The following N4BP2L2 variants were observed in gnomAD, a reference collection of about 807,000 sequenced individuals.
The protein encoded by N4BP2L2 is NEDD4 binding protein 2 like 2.
A neutral mutation model predicts 56.2 loss-of-function variants in N4BP2L2; 50 were observed. That is an observed-to-expected ratio of 0.89 (90% CI 0.71 to 1.13). The LOEUF (loss-of-function observed/expected upper bound fraction) is 1.13, where lower values mean the gene tolerates loss of function less well. N4BP2L2 is among the 50% of genes most tolerant of loss of function. N4BP2L2 has a pLI of 0.00. For synonymous variants in N4BP2L2, 203 were observed against 223.6 expected, an observed-to-expected ratio of 0.91 and a Z score of 0.82; for missense variants, 689 against 693.8, an observed-to-expected ratio of 0.99 and a Z score of 0.08.
At chr13:32,450,636 GTT>G (rs71071044) in intron 6 of N4BP2L2, among the ~76,000 whole-genome samples, 1 of 147,916 alleles carries the variant, frequency 6.8e-6, no homozygotes, top group Non-Finnish European at 1.5e-5. Context: ...TTTTGTTTTT[GTT>G]TTTTTTTTAT....
chr13:32,535,815 T>G, exon 2 of N4BP2L2: 1 of 1,614,170 alleles, frequency 6.2e-7, no homozygotes, highest in Non-Finnish European at 8.5e-7. Context: ...CTTAAAAGAA[T>G]AAGTAACTTC....
chr13:32,526,841 T>C (rs1373688425), intron 3 of N4BP2L2: 1 of 142,436 alleles, frequency 7.0e-6, no homozygotes, highest in Non-Finnish European at 1.5e-5. Context: ...TTTTTTTTTT[T>C]TTTTTGCTTT....
At position 32,477,994 on chromosome 13, in the gene N4BP2L2, A is replaced by G. The variant is rs760987666; in HGVS notation, c.366-33868T>C. 5.5e-5 allele frequency: 71 copies of G among 1,289,266 alleles called. No individual in the cohort carries two copies. The South Asian group carries it at 8.5e-4, about 15-fold the overall frequency. The allele number at this position is 1,289,266 out of a possible 1,614,324, so 79.9% of individuals were successfully genotyped here. On this transcript the variant is annotated intron_variant, in intron 6 of 9. Coordinates refer to the N4BP2L2 transcript ENST00000357505. ...TCCAGCTCCCAAGTCATTGTCTGACATACTGGTGTTCATCATCTTGTACCA... is the reference window on the plus strand; with the variant it reads ...TCCAGCTCCCAAGTCATTGTCTGACGTACTGGTGTTCATCATCTTGTACCA...
At chr13:32,446,846 A>G (rs1471843592) in intron 6 of N4BP2L2, among the ~76,000 whole-genome samples, 1 of 152,128 alleles carries the variant, frequency 6.6e-6, no homozygotes, top group Non-Finnish European at 1.5e-5. Flanking sequence ...AATTCACCTA[A>G]TCTTCAAAAC....
At chr13:32,457,700 A>G (rs1428369290) in intron 6 of N4BP2L2, among the ~76,000 whole-genome samples, 1 of 152,246 alleles carries the variant, frequency 6.6e-6, no homozygotes, top group Non-Finnish European at 1.5e-5. Context: ...CATCACGACT[A>G]GACTGGCACT....
intron 2 of N4BP2L2, among the ~76,000 whole-genome samples, chr13:32,529,767 C>A (rs8000381): frequency 0.045 from 6,791 of 151,400 alleles, 490 homozygotes; most frequent in African/African-American, 0.16. Flanking sequence ...ACTCTATTGC[C>A]CAGGCTGGAG....
chr13:32,441,888 A>AAAATAAATAAAT (rs201117316), intron 7 of N4BP2L2, among the ~76,000 whole-genome samples: 21 of 138,908 alleles, frequency 1.5e-4, no homozygotes, highest in African/African-American at 4.3e-4. Flanking sequence ...CTAAAAATAC[A>AAAATAAATAAAT]AAATAAATAA....
intron 7 of N4BP2L2, among the ~76,000 whole-genome samples, chr13:32,441,956 G>A (rs1311279536): frequency 1.3e-5 from 2 of 150,858 alleles, no homozygotes; most frequent in Non-Finnish European, 3.0e-5. Flanking sequence ...GGCGCCTGTA[G>A]TCCCAGTTAC....
downstream of N4BP2L2, chr13:32,507,990 G>C (rs1481333941): frequency 6.6e-6 from 1 of 152,086 alleles, no homozygotes; most frequent in Non-Finnish European, 1.5e-5. Flanking sequence ...GGACCAAGAG[G>C]AGAAGGCAGC....
rs115940353 is a variant in N4BP2L2 at position 32,468,285 on chromosome 13, A to G, written c.366-24159T>C. On this transcript the variant is annotated intron_variant, in intron 6 of 9. Transcript: ENST00000357505. The stretch of plus-strand genomic sequence containing the variant: ...AAAAGAGACAAAAAAAAAAAAAGAA[A>G]CTAAAATAAGGGTAGGATATGAAAA... Among the ~76,000 whole-genome samples the G allele has an allele frequency of 7.7e-3, 1,172 of 152,128 alleles. 17 individuals are homozygous for G. The highest frequency in any genetic ancestry group is 0.027 in the African/African-American group (1,127 of 41,500).
chr13:32,480,752 A>C (rs2084482295), intron 6 of N4BP2L2: 2 of 503,146 alleles, frequency 4.0e-6, no homozygotes, highest in South Asian at 3.8e-5. Flanking sequence ...TATAGACTGA[A>C]GAACTCATAG....
At chr13:32,500,960 C>T (rs535228249) in intron 6 of N4BP2L2, among the ~76,000 whole-genome samples, 1 of 151,670 alleles carries the variant, frequency 6.6e-6, no homozygotes, top group African/African-American at 2.4e-5. Flanking sequence ...CCTCCAACTC[C>T]TGGGTGCTAG....
intron 6 of N4BP2L2, among the ~76,000 whole-genome samples, chr13:32,464,322 A>T (rs2080828698): frequency 6.6e-6 from 1 of 152,250 alleles, no homozygotes; most frequent in African/African-American, 2.4e-5. Context: ...TTCTCTTGCC[A>T]GCTCATTTCC....
chr13:32,520,872 T>C (rs1318191110), intron 5 of N4BP2L2, among the ~76,000 whole-genome samples: 5 of 152,192 alleles, frequency 3.3e-5, no homozygotes, highest in Non-Finnish European at 7.4e-5. Context: ...TCTGTACTCA[T>C]TTGGCAGAAC....
Position 32,533,885 on chromosome 13 carries a change from T to C in N4BP2L2, c.1259+1884A>G, listed in dbSNP as rs558919932. Among the ~76,000 whole-genome samples, 315 of 152,336 alleles carry C rather than the reference T, an allele frequency of 2.1e-3. 1 individual carries two copies. The highest frequency in any genetic ancestry group is 3.9e-3 in the Non-Finnish European group (263 of 68,036). On this transcript the variant is annotated intron_variant, in intron 2 of 5. Coordinates refer to ENST00000267068, the Ensembl canonical transcript of N4BP2L2. ...ATATGACTTTATATCTAATTCCAAA[T>C]AACCAACACCAGTTCACTCAAAACG...
chr13:32,503,262 T>C lies in N4BP2L2; in HGVS notation c.365+14595A>G, dbSNP rs1750090114. 2.6e-5 allele frequency among the ~76,000 whole-genome samples: 4 copies of C among 151,390 alleles called. 1 individual carries two copies. The highest frequency in any genetic ancestry group is 1.3e-4 in the Admixed American group (2 of 15,194). On this transcript the variant is annotated intron_variant, in intron 6 of 9. Transcript: ENST00000357505. The stretch of plus-strand genomic sequence containing the variant: ...GTATGATTTAATTAAATTTAAAGTA[T>C]AATACTATAAATCTCAGTGTTGCTT...
At chr13:32,447,525 G>A (rs1004748264) in intron 6 of N4BP2L2, among the ~76,000 whole-genome samples, 6 of 152,186 alleles carry the variant, frequency 3.9e-5, no homozygotes, top group Admixed American at 3.3e-4. Flanking sequence ...TAAGAATCAA[G>A]TATGAGTACA....
At chr13:32,455,244 T>C (rs1432276287) in intron 6 of N4BP2L2, among the ~76,000 whole-genome samples, 1 of 152,174 alleles carries the variant, frequency 6.6e-6, no homozygotes, top group Admixed American at 6.5e-5. Context: ...AACTCAGCAC[T>C]CTAGCACATA....
At chr13:32,441,718 A>C (rs899661187) in intron 7 of N4BP2L2, among the ~76,000 whole-genome samples, 1 of 146,600 alleles carries the variant, frequency 6.8e-6, no homozygotes, top group African/African-American at 2.5e-5. Context: ...TAAATAAATA[A>C]ATAAATAAAT....
Sources: gnomAD v4.1 joint callset for allele counts (sites outside exome capture counted in the v4.1 genomes callset) on GRCh38, gnomAD v4.1.1 for gene constraint, MANE v1.5 for transcripts, NCBI Gene and HGNC (gene_info 2026-07-23, HGNC 2026-07-21) for gene names.